Variants in TMEM41B observed in about 807,000 individuals in gnomAD.
TMEM41B encodes transmembrane protein 41B, also known as protein stasimon.
A neutral mutation model predicts 31.9 loss-of-function variants in TMEM41B; 18 were observed. That is an observed-to-expected ratio of 0.56 (90% CI 0.39 to 0.84). The LOEUF (loss-of-function observed/expected upper bound fraction) is 0.84, where lower values mean the gene tolerates loss of function less well. Ranked by LOEUF, TMEM41B falls within the 40% of genes least tolerant of loss-of-function variation. TMEM41B has a pLI of 0.00. For synonymous variants in TMEM41B, 144 were observed against 124.3 expected, an observed-to-expected ratio of 1.16 and a Z score of -1.05; for missense variants, 322 against 348.0, an observed-to-expected ratio of 0.93 and a Z score of 0.59.
At chr11:9,314,258 T>C in intron 1 of TMEM41B, 63 bp downstream of exon 1, 1 of 1,511,414 alleles carries the variant, frequency 6.6e-7, no homozygotes, top group Non-Finnish European at 8.8e-7. Context: ...CGGGGGTCCT[T>C]TTCCCCACCC....
chr11:9,288,543 C>A lies in TMEM41B; in HGVS notation c.369-8G>T. The A allele has an allele frequency of 2.6e-6, 4 of 1,548,832 alleles. No individual in the cohort carries two copies. The highest frequency in any genetic ancestry group is 2.1e-5 in the Admixed American group (1 of 48,612). ...ATAGCAAATGTTTGCAAGCTGGTAA[C>A]TTTTAAGTTAAGGATTAGAATATAA... On this transcript the variant is annotated splice_polypyrimidine_tract_variant and splice_region_variant and intron_variant, in intron 3 of 6. Transcript: ENST00000528080.
In TMEM41B at chr11:9,287,789, G is replaced by C; in HGVS notation, c.480C>G (p.Ala160=). 1 of 1,612,640 alleles carries C rather than the reference G, an allele frequency of 6.2e-7. No individual in the cohort carries two copies. Among genetic ancestry groups the C allele is most frequent in the South Asian group, 1.1e-5 (1 of 90,782 alleles). ...AATAGGAAAGCATATAACAGAAAGA[G>C]GCACCAAGTCCAGAACACTGGAAAA... is the stretch of plus-strand genomic sequence containing the variant. ...FLVCLCSGLG[A]SFCYMLSYLV... The change falls in exon 5 of 7, where the codon GCC becomes GCG. Residue 160 remains alanine, a synonymous_variant. Coordinates refer to ENST00000528080, the MANE Select transcript of TMEM41B (RefSeq NM_015012.4).
chr11:9,283,600 T>A lies in TMEM41B; in HGVS notation c.707-7A>T. ...AAAGAAGGAGGTGCGACACCTGAAA[T>A]AAAATATAAAAAGATACAGTAAAAA... On this transcript the variant is annotated splice_region_variant and splice_polypyrimidine_tract_variant and intron_variant, in intron 6 of 6. Transcript: ENST00000528080. 6.3e-7 allele frequency: 1 copy of A among 1,595,028 alleles called. No individual in the cohort carries two copies. Among genetic ancestry groups the A allele is most frequent in the East Asian group, 2.3e-5 (1 of 44,304 alleles).
At position 9,283,417 on chromosome 11, in the gene TMEM41B, A is replaced by C; in HGVS notation, c.*7T>G. On this transcript the variant is annotated 3_prime_UTR_variant, in exon 7 of 7. Coordinates refer to ENST00000528080, the MANE Select transcript of TMEM41B (RefSeq NM_015012.4). Reference sequence around the variant, plus strand: ...TGACAGCAAAACTAAAAATCAGATGATTATTTTTACTCAAATTTCTGCTTT... The same window carrying C: ...TGACAGCAAAACTAAAAATCAGATGCTTATTTTTACTCAAATTTCTGCTTT... 6.2e-7 allele frequency: 1 copy of C among 1,602,104 alleles called. No homozygotes were observed.
At chr11:9,309,357 G>A (rs1186766591) in intron 1 of TMEM41B, among the ~76,000 whole-genome samples, 1 of 151,808 alleles carries the variant, frequency 6.6e-6, no homozygotes, top group Non-Finnish European at 1.5e-5. Context: ...GGACCAATAA[G>A]CTCCCTTTCA....
intron 1 of TMEM41B, among the ~76,000 whole-genome samples, chr11:9,304,290 G>A (rs1853327822): frequency 1.3e-5 from 2 of 152,168 alleles, no homozygotes; most frequent in Admixed American, 1.3e-4. Flanking sequence ...TTACATTTAT[G>A]CTCTGGCTAT....
chr11:9,307,305 GTCT>G (rs1853421588), intron 1 of TMEM41B, among the ~76,000 whole-genome samples: 1 of 151,992 alleles, frequency 6.6e-6, no homozygotes, highest in Non-Finnish European at 1.5e-5. Flanking sequence ...AGGCCAACAA[GTCT>G]CTTAAGGTCA....
chr11:9,304,616 G>C (rs554920257), intron 1 of TMEM41B, among the ~76,000 whole-genome samples: 7 of 151,950 alleles, frequency 4.6e-5, no homozygotes, highest in African/African-American at 1.7e-4. Flanking sequence ...CTCCTGACTA[G>C]CTGGGACCAC....
intron 1 of TMEM41B, among the ~76,000 whole-genome samples, chr11:9,308,163 A>G (rs551638603): frequency 6.6e-6 from 1 of 152,254 alleles, no homozygotes; most frequent in Admixed American, 6.5e-5. Context: ...ACTGGCCAAC[A>G]TGGTAAAACC....
Position 9,298,655 on chromosome 11 carries a change from A to G in TMEM41B, c.239+929T>C, listed in dbSNP as rs533531242. On this transcript the variant is annotated intron_variant, in intron 2 of 6. Transcript: ENST00000528080. ...GTGGCACACATCTATAATCCCAACT[A>G]CTCAGGGGACTGAGGCACAAAAATC... 5.9e-5 allele frequency among the ~76,000 whole-genome samples: 9 copies of G among 151,892 alleles called. No individual in the cohort carries two copies. In the East Asian group the frequency reaches 1.4e-3, roughly 23 times the overall value.
At chr11:9,289,066 C>G (rs1293266933) in intron 3 of TMEM41B, among the ~76,000 whole-genome samples, 1 of 152,204 alleles carries the variant, frequency 6.6e-6, no homozygotes, top group African/African-American at 2.4e-5. Flanking sequence ...CGCAGTGGCG[C>G]ACTCATGGCT....
At chr11:9,286,707 T>G (rs1198182307) in intron 5 of TMEM41B, 114 bp from the exon 6 acceptor site, 1 of 1,118,648 alleles carries the variant, frequency 8.9e-7, no homozygotes, top group Non-Finnish European at 1.2e-6. Context: ...GTATACCCAA[T>G]AGAAATGATC....
At chr11:9,296,586 CA>C (rs1853092325) in intron 2 of TMEM41B, among the ~76,000 whole-genome samples, 1 of 113,986 alleles carries the variant, frequency 8.8e-6, no homozygotes, top group Non-Finnish European at 1.7e-5. Context: ...CCAGCCTGGG[CA>C]ACAGAGACTC....
intron 6 of TMEM41B, among the ~76,000 whole-genome samples, chr11:9,285,626 G>C (rs1239437251): frequency 6.6e-6 from 1 of 151,990 alleles, no homozygotes; most frequent in African/African-American, 2.4e-5. Flanking sequence ...TCAAAATCAA[G>C]TATTATTTCC....
chr11:9,296,600 T>C (rs1378285200), intron 2 of TMEM41B, among the ~76,000 whole-genome samples: 1 of 114,152 alleles, frequency 8.8e-6, no homozygotes, highest in Non-Finnish European at 1.6e-5. Context: ...AGAGACTCCG[T>C]CTCAAAAAAA....
chr11:9,299,068 GT>G (rs1853173126), intron 2 of TMEM41B, among the ~76,000 whole-genome samples: 1 of 151,664 alleles, frequency 6.6e-6, no homozygotes, highest in Non-Finnish European at 1.5e-5. Context: ...ATCACCTGAG[GT>G]CAGGAGTTCA....
chr11:9,284,166 C>T (rs1018486771), intron 6 of TMEM41B, among the ~76,000 whole-genome samples: 2 of 152,064 alleles, frequency 1.3e-5, no homozygotes, highest in South Asian at 2.1e-4. Context: ...TTTCTCCCCC[C>T]GAGAGTTTGA....
At chr11:9,289,906 T>C (rs943227352) in intron 3 of TMEM41B, among the ~76,000 whole-genome samples, 2 of 152,162 alleles carry the variant, frequency 1.3e-5, no homozygotes, top group Non-Finnish European at 2.9e-5. Flanking sequence ...CACAATCCCT[T>C]TTCTTTGATA....
intron 2 of TMEM41B, among the ~76,000 whole-genome samples, chr11:9,295,868 A>AT (rs1226487388): frequency 7.1e-6 from 1 of 140,000 alleles, no homozygotes; most frequent in Non-Finnish European, 1.6e-5. Context: ...TATTTTTATT[A>AT]TTTTTTTTGA....
Sources: gnomAD v4.1 joint callset for allele counts (sites outside exome capture counted in the v4.1 genomes callset) on GRCh38, gnomAD v4.1.1 for gene constraint, MANE v1.5 for transcripts, NCBI Gene and HGNC (gene_info 2026-07-23, HGNC 2026-07-21) for gene names.